CCL24: variants seen among roughly 807,000 people sequenced by gnomAD.
CCL24 encodes the protein C-C motif chemokine 24.
Under a neutral mutation model 8.6 loss-of-function variants are expected in CCL24, and 6 were observed. The observed-to-expected ratio is 0.70, with a 90% CI of 0.38 to 1.38. The LOEUF (loss-of-function observed/expected upper bound fraction) is 1.38. Ranked by LOEUF, CCL24 falls within the 40% of genes most tolerant of loss-of-function variation. CCL24 has a pLI of 0.02. For synonymous variants in CCL24, 59 were observed against 52.7 expected (o/e 1.12, Z -0.52); for missense variants, 126 against 147.1 (o/e 0.86, Z 0.74).
upstream of CCL24, among the ~76,000 whole-genome samples, chr7:75,818,692 G>A (rs1803948123): frequency 1.3e-5 from 2 of 151,322 alleles, 1 homozygote; most frequent in South Asian, 4.2e-4. Context: ...CAGCATGTGT[G>A]GAGGAGGCTG....
chr7:75,820,816 A>AATCC (rs78975822), intron 1 of CCL24, among the ~76,000 whole-genome samples: 18,807 of 139,112 alleles, frequency 0.14, 1,358 homozygotes, highest in African/African-American at 0.2. Context: ...TCCATTCACT[A>AATCC]ATCCATCCAT....
chr7:75,820,085 CTTCCT>C (rs1734221985), intron 1 of CCL24, among the ~76,000 whole-genome samples: 1 of 138,686 alleles, frequency 7.2e-6, no homozygotes, highest in Non-Finnish European at 1.6e-5. Context: ...TCTTCTTCTT[CTTCCT>C]CTTCTTCTTC....
upstream of CCL24, among the ~76,000 whole-genome samples, chr7:75,814,041 G>A (rs1405734747): frequency 6.6e-6 from 1 of 152,178 alleles, no homozygotes; most frequent in Non-Finnish European, 1.5e-5. Flanking sequence ...TTGTCAGAAG[G>A]CCCATGGGAT....
chr7:75,817,337 G>C (rs1255046279), upstream of CCL24, among the ~76,000 whole-genome samples: 2 of 151,958 alleles, frequency 1.3e-5, no homozygotes, highest in Admixed American at 1.3e-4. Context: ...CTCAGGAGAA[G>C]AGTGAGGCTG....
chr7:75,813,867 C>T, upstream of CCL24: 1 of 570,258 alleles, frequency 1.8e-6, no homozygotes, highest in South Asian at 1.9e-5. Context: ...GCCCCCGAGC[C>T]CCCTCCACGC....
chr7:75,815,578 T>C (rs1367023750), upstream of CCL24, among the ~76,000 whole-genome samples: 1 of 151,806 alleles, frequency 6.6e-6, no homozygotes, highest in African/African-American at 2.4e-5. Flanking sequence ...TGCACTGAGG[T>C]TGGAGGACAG....
rs1803957951 is a variant in CCL24 at position 75,819,206 on chromosome 7, T to C, written c.-60+4116A>G. On this transcript the variant is annotated intron_variant, in intron 1 of 3. Coordinates refer to the CCL24 transcript ENST00000416943. ...TCTCTTGAACCTGGGAGGCAGAGGTTGTGGTAAGTGGAGATCGCACCATTG... is the reference window on the plus strand; with the variant it reads ...TCTCTTGAACCTGGGAGGCAGAGGTCGTGGTAAGTGGAGATCGCACCATTG... Among the ~76,000 whole-genome samples, 7 of 127,488 alleles carry C rather than the reference T, an allele frequency of 5.5e-5. No individual in the cohort carries two copies. In the South Asian group the frequency reaches 1.8e-3, roughly 33 times the overall value. 83.6% of individuals were successfully genotyped at this position (127,488 alleles called of 152,430 possible). A position where few individuals can be genotyped will look rare whatever the true frequency, so the allele number is the denominator to read the frequency against.
intron 2 of CCL24, among the ~76,000 whole-genome samples, chr7:75,812,546 G>C (rs11465306): frequency 0.22 from 34,048 of 152,012 alleles, 4,392 homozygotes; most frequent in Non-Finnish European, 0.29. Context: ...AACAATCATC[G>C]CTACCCCATA....
rs534546356 is a variant in CCL24, at chr7:75,812,475, CA to C, written c.192-512del. 1.1e-3 allele frequency among the ~76,000 whole-genome samples: 175 copies of C among 152,274 alleles called. 3 individuals are homozygous for C. The highest frequency in any genetic ancestry group is 3.7e-3 in the African/African-American group (153 of 41,544). ...AGCTATTTGGAGGACAGACACATGT[CA>C]GCCCACGTGACCTTGAGCAAGTTAC... On this transcript the variant is annotated intron_variant, in intron 2 of 2. Coordinates refer to ENST00000222902, the MANE Select transcript of CCL24 (RefSeq NM_002991.3).
rs1554535108 is a variant in CCL24 at position 75,821,744 on chromosome 7, T to G, written c.-60+1578A>C. ...GAGTTTGAGACCAGCCTGATCAACA[T>G]GGAGAAACCCCGTCTCTACTAAAAA... On this transcript the variant is annotated intron_variant, in intron 1 of 3. Coordinates refer to the CCL24 transcript ENST00000416943. Among the ~76,000 whole-genome samples the G allele has an allele frequency of 3.9e-5, 6 of 151,988 alleles. 1 individual carries two copies. The South Asian group carries it at 1.0e-3, about 26-fold the overall frequency.
intron 1 of CCL24, 23 bp from the exon 2 acceptor site, chr7:75,813,446 G>T: frequency 6.5e-7 from 1 of 1,532,438 alleles, no homozygotes; most frequent in Non-Finnish European, 9.0e-7. Flanking sequence ...AGAGAGAAGA[G>T]CCACGTCTTT....
chr7:75,813,862 C>T (rs1803830885), upstream of CCL24: 5 of 584,634 alleles, frequency 8.6e-6, no homozygotes, highest in East Asian at 3.1e-5. Context: ...AACACGCCCC[C>T]GAGCCCCCTC....
intron 1 of CCL24, among the ~76,000 whole-genome samples, chr7:75,820,654 C>G (rs1554534972): frequency 7.1e-6 from 1 of 141,330 alleles, no homozygotes; most frequent in African/African-American, 2.6e-5. Flanking sequence ...CCCACTCATC[C>G]ACCCATCTAT....
upstream of CCL24, among the ~76,000 whole-genome samples, chr7:75,816,390 C>T (rs1803891488): frequency 6.6e-6 from 1 of 152,042 alleles, no homozygotes; most frequent in African/African-American, 2.4e-5. Flanking sequence ...ATGCTGAGAG[C>T]CCAACTCAGG....
In CCL24 at chr7:75,811,479, A is replaced by AG. The variant is rs1422123013; in HGVS notation, c.*316dup. On this transcript the variant is annotated 3_prime_UTR_variant, in exon 3 of 3. Transcript: ENST00000222902. ...GGGTGACAGAGCGAGACTCCGTCTCAGAAAAAAAAAAAAAAGAAAAAGCAT... is the reference window on the plus strand; with the variant it reads ...GGGTGACAGAGCGAGACTCCGTCTCAGGAAAAAAAAAAAAAAGAAAAAGCAT... Among the ~76,000 whole-genome samples, 1 of 151,150 alleles carries AG rather than the reference A, an allele frequency of 6.6e-6. No homozygotes were observed. Among genetic ancestry groups the AG allele is most frequent in the Non-Finnish European group, 1.5e-5 (1 of 67,732 alleles).
upstream of CCL24, among the ~76,000 whole-genome samples, chr7:75,814,609 G>C (rs1554533873): frequency 6.6e-6 from 1 of 151,638 alleles, no homozygotes. Context: ...TCCATGACAA[G>C]TCTTGACAGA....
At chr7:75,815,355 A>G (rs1322763758), upstream of CCL24, among the ~76,000 whole-genome samples, 1 of 150,446 alleles carries the variant, frequency 6.6e-6, no homozygotes, top group Non-Finnish European at 1.5e-5. Flanking sequence ...AAAAAAAAAA[A>G]GAAAGGCTGG....
upstream of CCL24, among the ~76,000 whole-genome samples, chr7:75,816,563 ATTTAT>A (rs1803894455): frequency 6.7e-6 from 1 of 148,526 alleles, no homozygotes; most frequent in Admixed American, 6.9e-5. Context: ...TTATTTATTT[ATTTAT>A]TTATTATTTT....
upstream of CCL24, among the ~76,000 whole-genome samples, chr7:75,818,531 TTTGGGAGGCCGAG>T (rs1196067586): frequency 6.6e-6 from 1 of 150,864 alleles, no homozygotes; most frequent in African/African-American, 2.4e-5. Context: ...ATCCCAGCAC[TTTGGGAGGCCGAG>T]GTGGGAGGAT....
Sources: allele counts gnomAD v4.1 joint callset (sites outside exome capture counted in the v4.1 genomes callset), GRCh38; gene constraint gnomAD v4.1.1; transcripts MANE v1.5; gene names NCBI Gene and HGNC (gene_info 2026-07-23, HGNC 2026-07-21).